Variants in AGBL4 observed in about 807,000 individuals in gnomAD.
The protein encoded by AGBL4 is cytosolic carboxypeptidase 6.
AGBL4 carries 58 observed loss-of-function variants against 66.4 expected under a neutral mutation model. The observed-to-expected ratio is 0.87, with a 90% confidence interval of 0.71 to 1.09. The LOEUF (loss-of-function observed/expected upper bound fraction) is 1.09. Among genes scored for constraint, AGBL4 ranks in the 50% least tolerant of loss-of-function variants. The pLI is 0.00. For missense variants in AGBL4, 579 were observed against 631.0 expected, an observed-to-expected ratio of 0.92 and a Z score of 0.88; for synonymous variants, 234 against 222.9, an observed-to-expected ratio of 1.05 and a Z score of -0.44.
At chr1:48,619,105 T>C (rs1415578466) in intron 9 of AGBL4, among the ~76,000 whole-genome samples, 1 of 152,188 alleles carries the variant, frequency 6.6e-6, no homozygotes, top group African/African-American at 2.4e-5. Context: ...GTCGTGGGCC[T>C]TGGGATCAGG....
intron 4 of AGBL4, among the ~76,000 whole-genome samples, chr1:49,201,790 G>T (rs1647722648): frequency 6.6e-6 from 1 of 152,024 alleles, no homozygotes; most frequent in African/African-American, 2.4e-5. Flanking sequence ...CTGAGGATTT[G>T]CTCTCCCTCC....
chr1:49,372,599 CT>C (rs1227129954), intron 3 of AGBL4, among the ~76,000 whole-genome samples: 1 of 148,118 alleles, frequency 6.8e-6, no homozygotes, highest in Non-Finnish European at 1.5e-5. Flanking sequence ...TCTTTCTTTT[CT>C]TTTTCTTTTT....
chr1:49,921,676 A>G (rs575114355), intron 1 of AGBL4, among the ~76,000 whole-genome samples: 1 of 152,328 alleles, frequency 6.6e-6, no homozygotes, highest in African/African-American at 2.4e-5. Flanking sequence ...CGTTAAGTCC[A>G]AGAGTCCAAA....
rs1357618241 is a variant in AGBL4, at chr1:49,834,276, T to C, written c.157+17120A>G. Among the ~76,000 whole-genome samples, 3 of 152,226 alleles carry C rather than the reference T, an allele frequency of 2.0e-5. No individual in the cohort carries two copies. The East Asian group carries it at 5.8e-4, about 29-fold the overall frequency. On this transcript the variant is annotated intron_variant, in intron 2 of 13. Coordinates refer to ENST00000371839, the MANE Select transcript of AGBL4 (RefSeq NM_032785.4). ...AATTTCAGAACCTCTTATTGGTCTA[T>C]TCAGGGATTCAACTTCCTCCTGGTT...
At chr1:48,997,401 G>C (rs553256328) in intron 5 of AGBL4, among the ~76,000 whole-genome samples, 1 of 152,284 alleles carries the variant, frequency 6.6e-6, no homozygotes, top group South Asian at 2.1e-4. Flanking sequence ...TCAGGTAGTT[G>C]TTATCATATG....
chr1:49,336,373 C>T (rs567294332), intron 3 of AGBL4, among the ~76,000 whole-genome samples: 24 of 152,142 alleles, frequency 1.6e-4, no homozygotes, highest in Non-Finnish European at 3.1e-4. Context: ...GAGATCTACC[C>T]ACACTGGGTA....
chr1:49,950,065 C>T (rs12728446), intron 1 of AGBL4, among the ~76,000 whole-genome samples: 2 of 137,204 alleles, frequency 1.5e-5, no homozygotes, highest in East Asian at 2.1e-4. Context: ...TATATACACA[C>T]ATATATATAC....
intron 5 of AGBL4, among the ~76,000 whole-genome samples, chr1:48,960,908 A>G (rs1434385500): frequency 6.6e-6 from 1 of 152,250 alleles, no homozygotes; most frequent in Admixed American, 6.5e-5. Context: ...TTACTGTTCA[A>G]CTATCTATAA....
chr1:49,555,146 C>A (rs552534761), intron 3 of AGBL4, among the ~76,000 whole-genome samples: 2 of 152,268 alleles, frequency 1.3e-5, no homozygotes, highest in East Asian at 1.9e-4. Flanking sequence ...TTACAGAGAG[C>A]TGATTGGCCC....
At chr1:49,679,239 A>G (rs1646641958) in intron 3 of AGBL4, among the ~76,000 whole-genome samples, 1 of 152,164 alleles carries the variant, frequency 6.6e-6, no homozygotes, top group Non-Finnish European at 1.5e-5. Context: ...ATACACATTC[A>G]GAAGAAGATG....
intron 1 of AGBL4, among the ~76,000 whole-genome samples, chr1:49,935,222 C>T (rs1430399645): frequency 2.0e-5 from 3 of 152,340 alleles, no homozygotes; most frequent in East Asian, 3.9e-4. Flanking sequence ...CACAGAGTCT[C>T]GCTGATTGCT....
At chr1:49,709,888 T>C (rs962166208) in intron 2 of AGBL4, among the ~76,000 whole-genome samples, 11 of 151,994 alleles carry the variant, frequency 7.2e-5, no homozygotes, top group African/African-American at 2.7e-4. Flanking sequence ...AAAACCAAAA[T>C]AGATACCATC....
intron 3 of AGBL4, among the ~76,000 whole-genome samples, chr1:49,400,559 T>A (rs1645063446): frequency 6.6e-6 from 1 of 152,204 alleles, no homozygotes; most frequent in Non-Finnish European, 1.5e-5. Context: ...ATTTCTTTCA[T>A]CAGTGTTTTA....
intron 2 of AGBL4, among the ~76,000 whole-genome samples, chr1:49,786,523 A>G (rs924393622): frequency 2.6e-5 from 4 of 152,090 alleles, no homozygotes; most frequent in African/African-American, 7.2e-5. Flanking sequence ...GATGATTTTT[A>G]TTCAACTTAG....
intron 3 of AGBL4, among the ~76,000 whole-genome samples, chr1:49,367,553 T>C (rs1021764347): frequency 2.6e-5 from 4 of 152,154 alleles, no homozygotes; most frequent in Non-Finnish European, 5.9e-5. Flanking sequence ...CCCTTTATAG[T>C]AACACAAAGT....
chr1:49,880,980 T>C (rs1201672176), intron 1 of AGBL4, among the ~76,000 whole-genome samples: 7 of 152,282 alleles, frequency 4.6e-5, no homozygotes, highest in Non-Finnish European at 1.0e-4. Context: ...TGACCCCTTG[T>C]GCTTCCCAGG....
In AGBL4 at chr1:49,179,843, T is replaced by G. The variant is rs1646896959; in HGVS notation, c.377+65927A>C. Among the ~76,000 whole-genome samples the G allele has an allele frequency of 7.2e-5, 11 of 152,340 alleles. No homozygotes were observed. In the South Asian group the frequency reaches 2.3e-3, roughly 32 times the overall value. Reference sequence around the variant, plus strand: ...ACTGCATGGGTTCTAACTCTAGCTCTGCCTCCTCCTGCTGTATGACCTTCT... The same window carrying G: ...ACTGCATGGGTTCTAACTCTAGCTCGGCCTCCTCCTGCTGTATGACCTTCT... On this transcript the variant is annotated intron_variant, in intron 4 of 13. Transcript: ENST00000371839.
chr1:49,630,663 G>C (rs1645552684), intron 3 of AGBL4, among the ~76,000 whole-genome samples: 1 of 152,112 alleles, frequency 6.6e-6, no homozygotes, highest in South Asian at 2.1e-4. Flanking sequence ...CCTGGCTCCT[G>C]GCAGATAGGC....
At chr1:48,910,680 G>A (rs1008857451) in intron 5 of AGBL4, among the ~76,000 whole-genome samples, 6 of 151,944 alleles carry the variant, frequency 3.9e-5, no homozygotes, top group Admixed American at 2.0e-4. Flanking sequence ...TAAACTGCCC[G>A]TGGGTGCCCC....
Sources: gnomAD v4.1 joint callset for allele counts (sites outside exome capture counted in the v4.1 genomes callset) on GRCh38, gnomAD v4.1.1 for gene constraint, MANE v1.5 for transcripts, NCBI Gene and HGNC (gene_info 2026-07-23, HGNC 2026-07-21) for gene names.